Variants in FRMD3 observed in about 807,000 individuals in gnomAD.
The protein encoded by FRMD3 is FERM domain-containing protein 3.
Under a neutral mutation model 70.2 loss-of-function variants are expected in FRMD3, and 33 were observed. That is an observed-to-expected ratio of 0.47 (90% CI 0.36 to 0.63). FRMD3 has a LOEUF of 0.63. FRMD3 is among the 20% of genes least tolerant of loss of function. The pLI is 0.00. For missense variants in FRMD3, 632 were observed against 711.4 expected, an observed-to-expected ratio of 0.89 and a Z score of 1.27; for synonymous variants, 279 against 255.9, an observed-to-expected ratio of 1.09 and a Z score of -0.86.
chr9:83,576,323 A>C, the FRMD3 span, among the ~76,000 whole-genome samples: 1 of 152,120 alleles, frequency 6.6e-6, no homozygotes, highest in Non-Finnish European at 1.5e-5. Flanking sequence ...GCAAAAAAAA[A>C]AATTGTCGAA....
At chr9:83,529,506 T>A (rs1829751865) in intron 1 of FRMD3, among the ~76,000 whole-genome samples, 1 of 152,202 alleles carries the variant, frequency 6.6e-6, no homozygotes, top group Non-Finnish European at 1.5e-5. Context: ...GTATCAATTT[T>A]AAAAATGGAT....
At chr9:83,395,267 T>C (rs901859728) in intron 1 of FRMD3, among the ~76,000 whole-genome samples, 3 of 100,744 alleles carry the variant, frequency 3.0e-5, no homozygotes, top group Admixed American at 1.2e-4. Flanking sequence ...AACTGTCCTC[T>C]ATAGATTTAA....
intron 1 of FRMD3, among the ~76,000 whole-genome samples, chr9:83,434,908 C>T (rs373583790): frequency 6.7e-6 from 1 of 149,442 alleles, no homozygotes; most frequent in African/African-American, 2.5e-5. Context: ...CTCACTGCAG[C>T]CTCTGCCTCC....
intron 1 of FRMD3, among the ~76,000 whole-genome samples, chr9:83,466,193 C>G (rs975592666): frequency 6.6e-6 from 1 of 152,180 alleles, no homozygotes; most frequent in Non-Finnish European, 1.5e-5. Flanking sequence ...TTCCCTGTAA[C>G]TACCAAGGGA....
intron 1 of FRMD3, among the ~76,000 whole-genome samples, chr9:83,477,598 G>T (rs1434782537): frequency 6.6e-6 from 1 of 152,072 alleles, no homozygotes; most frequent in Non-Finnish European, 1.5e-5. Context: ...AATCACCAAG[G>T]CCGTCCCAAA....
In FRMD3 at chr9:83,507,737, T is replaced by TATATA. The variant is rs1395414042; in HGVS notation, c.147+30347_147+30348insTATAT. On this transcript the variant is annotated intron_variant, in intron 1 of 13. Coordinates refer to ENST00000304195, the MANE Select transcript of FRMD3 (RefSeq NM_174938.6). ...ATATATATATATATATATATATATA[T>TATATA]ATCTTCTGGAATATTTCCTGAAGGA... Among the ~76,000 whole-genome samples the TATATA allele has an allele frequency of 5.6e-5, 6 of 106,826 alleles. 1 individual carries two copies. Among genetic ancestry groups the TATATA allele is most frequent in the Non-Finnish European group, 1.2e-4 (6 of 49,258 alleles). The allele number at this position is 106,826 out of a possible 152,430, so 70.1% of individuals were successfully genotyped here.
chr9:83,421,148 G>A (rs1826629250), intron 1 of FRMD3, among the ~76,000 whole-genome samples: 1 of 151,050 alleles, frequency 6.6e-6, no homozygotes, highest in Non-Finnish European at 1.5e-5. Flanking sequence ...CACTGTGTTA[G>A]CCAGGATGGT....
chr9:83,371,851 T>G (rs1433867920), intron 3 of FRMD3, among the ~76,000 whole-genome samples: 2 of 151,326 alleles, frequency 1.3e-5, no homozygotes, highest in Non-Finnish European at 2.9e-5. Context: ...GAAGGAGGAA[T>G]GGGAAGGGAG....
intron 1 of FRMD3, among the ~76,000 whole-genome samples, chr9:83,510,640 C>T (rs1287700306): frequency 1.3e-5 from 2 of 152,146 alleles, no homozygotes; most frequent in Non-Finnish European, 2.9e-5. Context: ...GTGAATGGAT[C>T]AACTAACTGC....
the FRMD3 span, among the ~76,000 whole-genome samples, chr9:83,553,412 T>C: frequency 6.6e-6 from 1 of 152,178 alleles, no homozygotes; most frequent in Non-Finnish European, 1.5e-5. Context: ...ACATTCTTTC[T>C]TTCATTTCAA....
At position 83,247,308 on chromosome 9, in the gene FRMD3, A is replaced by T; in HGVS notation, c.*610T>A. ...ATTTTTAAAAACAAAGTAGCGCCAA[A>T]ACATTAAAAAAATTCTGATATACCT... is the stretch of plus-strand genomic sequence containing the variant. On this transcript the variant is annotated 3_prime_UTR_variant, in exon 14 of 14. Transcript: ENST00000304195. 1.0e-6 allele frequency: 1 copy of T among 985,060 alleles called. No individual in the cohort carries two copies. The highest frequency in any genetic ancestry group is 1.2e-6 in the Non-Finnish European group (1 of 829,654). The allele number at this position is 985,060 out of a possible 1,614,324, so 61.0% of individuals were successfully genotyped here.
rs181384699 is a variant in FRMD3, at chr9:83,377,468, G to A, written c.253-4513C>T. ...CCCCAACCAAACCTCATGTTGAACC[G>A]TAATCCCCAATGTTGGAGGTGGGGC... On this transcript the variant is annotated intron_variant, in intron 2 of 13. Transcript: ENST00000304195. 1.2e-4 allele frequency among the ~76,000 whole-genome samples: 18 copies of A among 152,216 alleles called. No homozygotes were observed. In the East Asian group the frequency reaches 2.9e-3, roughly 24 times the overall value.
At chr9:83,482,577 G>A (rs913638557) in intron 1 of FRMD3, among the ~76,000 whole-genome samples, 3 of 152,166 alleles carry the variant, frequency 2.0e-5, no homozygotes, top group Non-Finnish European at 2.9e-5. Context: ...GATAAGAAAT[G>A]CAAATTTTTA....
chr9:83,558,167 T>G, the FRMD3 span, among the ~76,000 whole-genome samples: 5 of 152,248 alleles, frequency 3.3e-5, no homozygotes, highest in Non-Finnish European at 7.3e-5. Context: ...TAGTCTTAGC[T>G]TAAATACAGT....
chr9:83,537,803 C>T lies in FRMD3; in HGVS notation c.147+282G>A, dbSNP rs888743779. Among the ~76,000 whole-genome samples the T allele has an allele frequency of 2.0e-5, 3 of 152,174 alleles. No homozygotes were observed. The highest frequency in any genetic ancestry group is 2.1e-4 in the South Asian group (1 of 4,838). ...AGAGTCCCTCCGGAGGCAGCTGCCC[C>T]GCGCCCCTAGCCCGGGCGCAGTGAG... On this transcript the variant is annotated intron_variant, in intron 1 of 13. Coordinates refer to ENST00000304195, the MANE Select transcript of FRMD3 (RefSeq NM_174938.6). The surrounding 1 kb of genome is among the most constrained non-coding windows in gnomAD (Gnocchi z 4.1).
At chr9:83,566,831 C>T in the FRMD3 span, among the ~76,000 whole-genome samples, 1 of 152,348 alleles carries the variant, frequency 6.6e-6, no homozygotes, top group African/African-American at 2.4e-5. Context: ...TTGCAGGGTA[C>T]AGCCTCCCAC....
intron 1 of FRMD3, among the ~76,000 whole-genome samples, chr9:83,472,858 T>C (rs1475402581): frequency 6.6e-6 from 1 of 152,176 alleles, no homozygotes; most frequent in Non-Finnish European, 1.5e-5. Context: ...CAAATGCACA[T>C]AATTTATACT....
chr9:83,548,750 A>G, the FRMD3 span, among the ~76,000 whole-genome samples: 1 of 152,150 alleles, frequency 6.6e-6, no homozygotes. Context: ...TAATGTGTCT[A>G]TATTTTTTCA....
chr9:83,333,531 T>C (rs1336507249), intron 6 of FRMD3, among the ~76,000 whole-genome samples: 2 of 152,204 alleles, frequency 1.3e-5, no homozygotes, highest in African/African-American at 4.8e-5. Context: ...ATTCACTCAT[T>C]TTCTCATGAA....
Sources: gnomAD v4.1 joint callset for allele counts (sites outside exome capture counted in the v4.1 genomes callset) on GRCh38, gnomAD v4.1.1 for gene constraint, Gnocchi (gnomAD v3.1) non-coding constraint, MANE v1.5 for transcripts, NCBI Gene and HGNC (gene_info 2026-07-23, HGNC 2026-07-21) for gene names.